SIM2: variants seen among roughly 807,000 people sequenced by gnomAD.
SIM2 encodes single-minded homolog 2.
SIM2 carries 28 observed loss-of-function variants against 64.8 expected under a neutral mutation model. The ratio of observed to expected loss-of-function variants is 0.43; its 90% CI spans 0.32 to 0.59. The LOEUF (loss-of-function observed/expected upper bound fraction) is 0.59. SIM2 is among the 20% of genes least tolerant of loss of function. SIM2 has a pLI of 0.07. For synonymous variants in SIM2, 408 were observed against 391.1 expected (o/e 1.04, Z -0.51); for missense variants, 847 against 871.4 (o/e 0.97, Z 0.35).
chr21:36,733,893 G>A (rs2089009515), intron 7 of SIM2, among the ~76,000 whole-genome samples: 1 of 152,194 alleles, frequency 6.6e-6, no homozygotes, highest in South Asian at 2.1e-4. Flanking sequence ...ATTTGCTTTG[G>A]AACAGTCATG....
chr21:36,707,147 A>C (rs1243605935), intron 1 of SIM2, among the ~76,000 whole-genome samples: 1 of 152,254 alleles, frequency 6.6e-6, no homozygotes, highest in Admixed American at 6.5e-5. Flanking sequence ...ACAACTGCCC[A>C]ACCCCAGGAA....
At chr21:36,716,607 G>A (rs1168064773) in intron 3 of SIM2, among the ~76,000 whole-genome samples, 1 of 152,148 alleles carries the variant, frequency 6.6e-6, no homozygotes. Context: ...ACACCCCAGA[G>A]TAACGTGCAT....
At chr21:36,704,241 G>A (rs892287230) in intron 1 of SIM2, among the ~76,000 whole-genome samples, 17 of 152,312 alleles carry the variant, frequency 1.1e-4, no homozygotes, top group Middle Eastern at 3.4e-3. Flanking sequence ...ACTGTTTCCC[G>A]GAATCAAAGC....
In SIM2 at chr21:36,699,962, G is replaced by T; in HGVS notation, c.175+41G>T. On this transcript the variant is annotated intron_variant, in intron 1 of 10. Coordinates refer to ENST00000290399, the MANE Select transcript of SIM2 (RefSeq NM_005069.6). This position sits in a 1 kb window ranked among gnomAD's most constrained non-coding sequence, Gnocchi z 5.6. ...GGCGGCCGGGGACGCTGGGGAGCCCGGCGGCCCCGGCCCAGGCGGGAAGCG... is the reference window on the plus strand; with the variant it reads ...GGCGGCCGGGGACGCTGGGGAGCCCTGCGGCCCCGGCCCAGGCGGGAAGCG... 6.5e-7 allele frequency: 1 copy of T among 1,531,234 alleles called. No individual in the cohort carries two copies. The highest frequency in any genetic ancestry group is 1.4e-5 in the African/African-American group (1 of 70,832). 94.9% of individuals were successfully genotyped at this position (1,531,234 alleles called of 1,614,324 possible).
In SIM2 at chr21:36,699,500, T is replaced by C. The variant is rs2088451792; in HGVS notation, c.-247T>C. On this transcript the variant is annotated 5_prime_UTR_variant, in exon 1 of 11. Coordinates refer to ENST00000290399, the MANE Select transcript of SIM2 (RefSeq NM_005069.6). The surrounding 1 kb of genome is among the most constrained non-coding windows in gnomAD (Gnocchi z 5.6). ...CGGGGCTCCGGTTGCTGCAGGACGGTCCAGCCCGGAGGAGGCTGCGCTCCG... is the reference window on the plus strand; with the variant it reads ...CGGGGCTCCGGTTGCTGCAGGACGGCCCAGCCCGGAGGAGGCTGCGCTCCG... 1 of 330,138 alleles carries C rather than the reference T, an allele frequency of 3.0e-6. No homozygotes were observed. The highest frequency in any genetic ancestry group is 5.3e-5 in the Admixed American group (1 of 18,962). 20.5% of individuals were successfully genotyped at this position (330,138 alleles called of 1,614,324 possible). A position where few individuals can be genotyped will look rare whatever the true frequency, so the allele number is the denominator to read the frequency against.
chr21:36,709,194 A>G lies in SIM2; in HGVS notation c.202A>G (p.Ser68Gly), dbSNP rs2088634946. ...TTTAGGAGACGCGTGGGGACAGCCG[A>G]GCCGCGCCGGGCCCCTGGACGGCGT... ...EGLGDAWGQP[S>G]RAGPLDGVAK... Residue 68 changes from serine to glycine, a missense_variant, in exon 2 of 11, where the codon AGC becomes GGC. Ser to Gly is a moderately conservative substitution (Grantham distance 56, BLOSUM62 0). Coordinates refer to ENST00000290399, the MANE Select transcript of SIM2 (RefSeq NM_005069.6). The G allele has an allele frequency of 6.2e-7, 1 of 1,610,530 alleles. No individual in the cohort carries two copies. Among genetic ancestry groups the G allele is most frequent in the Admixed American group, 1.7e-5 (1 of 59,790 alleles).
intron 6 of SIM2, 110 bp from the exon 7 acceptor site, chr21:36,730,935 T>G: frequency 1.3e-6 from 1 of 753,398 alleles, no homozygotes; most frequent in Non-Finnish European, 2.3e-6. Context: ...AAAATCAACA[T>G]TTCCCGCCTG....
intron 6 of SIM2, among the ~76,000 whole-genome samples, chr21:36,730,762 C>G (rs532488289): frequency 1.3e-5 from 2 of 152,182 alleles, no homozygotes; most frequent in Non-Finnish European, 2.9e-5. Context: ...AAGCATTCCC[C>G]GATAAGCTGA....
At chr21:36,717,346 A>G (rs1357732890) in intron 3 of SIM2, among the ~76,000 whole-genome samples, 1 of 152,172 alleles carries the variant, frequency 6.6e-6, no homozygotes, top group East Asian at 1.9e-4. Flanking sequence ...GAAGGGAGAA[A>G]CGATAGGCCA....
intron 7 of SIM2, among the ~76,000 whole-genome samples, chr21:36,735,850 C>T (rs927658753): frequency 1.3e-5 from 2 of 152,110 alleles, no homozygotes; most frequent in Non-Finnish European, 2.9e-5. Flanking sequence ...AGGTGGGAGG[C>T]CCCATTTTGA....
At chr21:36,736,017 G>A (rs1216634798) in intron 7 of SIM2, among the ~76,000 whole-genome samples, 3 of 152,198 alleles carry the variant, frequency 2.0e-5, no homozygotes, top group Admixed American at 6.5e-5. Context: ...GCAGACCTGA[G>A]ACTCAAGTCT....
intron 2 of SIM2, 39 bp from the exon 3 acceptor site, chr21:36,712,494 G>T: frequency 7.3e-7 from 1 of 1,367,502 alleles, no homozygotes; most frequent in South Asian, 1.2e-5. Context: ...CTCTAATGTA[G>T]AATGATCATC....
intron 1 of SIM2, among the ~76,000 whole-genome samples, 156 bp from the exon 2 acceptor site, chr21:36,709,012 C>A (rs1457847418): frequency 6.6e-6 from 1 of 151,818 alleles, no homozygotes; most frequent in African/African-American, 2.4e-5. Context: ...ACGGCGAGAG[C>A]ACAGATGGCG....
chr21:36,706,530 C>T (rs9981727), intron 1 of SIM2, among the ~76,000 whole-genome samples: 1 of 152,260 alleles, frequency 6.6e-6, no homozygotes, highest in Admixed American at 6.5e-5. Context: ...AAAGCCCTTC[C>T]TTAGGTCCAG....
intron 7 of SIM2, among the ~76,000 whole-genome samples, chr21:36,737,264 C>G (rs913241546): frequency 5.9e-5 from 9 of 152,226 alleles, no homozygotes; most frequent in African/African-American, 2.2e-4. Context: ...AACACGGGAT[C>G]ATCATAAATG....
intron 5 of SIM2, among the ~76,000 whole-genome samples, chr21:36,725,676 G>T (rs1006352641): frequency 2.0e-5 from 3 of 152,266 alleles, no homozygotes; most frequent in African/African-American, 7.2e-5. Context: ...CTGGAGTGCA[G>T]TGGCACAATC....
chr21:36,725,289 G>A (rs1332228914), intron 5 of SIM2, among the ~76,000 whole-genome samples: 3 of 152,176 alleles, frequency 2.0e-5, no homozygotes, highest in Admixed American at 2.0e-4. Context: ...GGTCAAGGCT[G>A]CAGTGAGCCT....
At chr21:36,704,537 G>T (rs1257825826) in intron 1 of SIM2, among the ~76,000 whole-genome samples, 6 of 152,226 alleles carry the variant, frequency 3.9e-5, no homozygotes, top group African/African-American at 1.2e-4. Flanking sequence ...TTCGTTGCAG[G>T]CGAGGAAGTG....
chr21:36,717,387 C>T (rs2088760854), intron 3 of SIM2, among the ~76,000 whole-genome samples: 1 of 151,662 alleles, frequency 6.6e-6, no homozygotes, highest in African/African-American at 2.4e-5. Context: ...GTTATTTTTT[C>T]ATTTTTAAAA....
Sources: allele counts gnomAD v4.1 joint callset (sites outside exome capture counted in the v4.1 genomes callset), GRCh38; gene constraint gnomAD v4.1.1; non-coding constraint Gnocchi (gnomAD v3.1); transcripts MANE v1.5; gene names NCBI Gene and HGNC (gene_info 2026-07-23, HGNC 2026-07-21).